ELAVL4: variants seen among roughly 807,000 people sequenced by gnomAD.
The protein encoded by ELAVL4 is ELAV like RNA binding protein 4, also known as ELAV-like protein 4.
A neutral mutation model predicts 35.6 loss-of-function variants in ELAVL4; 1 was observed. The ratio of observed to expected loss-of-function variants is 0.03; its 90% CI spans 0.01 to 0.13. ELAVL4 has a LOEUF of 0.13. Among genes scored for constraint, ELAVL4 ranks in the 10% least tolerant of loss-of-function variants. The pLI is 1.00. For synonymous variants in ELAVL4, 156 were observed against 171.0 expected, an observed-to-expected ratio of 0.91 and a Z score of 0.69; for missense variants, 267 against 464.9, an observed-to-expected ratio of 0.57 and a Z score of 3.91.
chr1:50,132,778 T>C (rs963315859), intron 1 of ELAVL4, among the ~76,000 whole-genome samples: 4 of 152,204 alleles, frequency 2.6e-5, no homozygotes, highest in East Asian at 1.9e-4. Flanking sequence ...ACATTTTCTT[T>C]CTTTTTTAAA....
intron 2 of ELAVL4, among the ~76,000 whole-genome samples, chr1:50,176,813 A>C (rs1362845212): frequency 6.6e-6 from 1 of 152,234 alleles, no homozygotes; most frequent in Non-Finnish European, 1.5e-5. Flanking sequence ...ACACTTGTGT[A>C]TCTCTTGTGT....
At chr1:50,087,440 A>C (rs1482150167) in intron 1 of ELAVL4, among the ~76,000 whole-genome samples, 1 of 152,176 alleles carries the variant, frequency 6.6e-6, no homozygotes, top group Non-Finnish European at 1.5e-5. Context: ...ACAACAGACT[A>C]TGTCTTCTAG....
intron 1 of ELAVL4, among the ~76,000 whole-genome samples, chr1:50,068,404 C>A (rs1348050258): frequency 2.0e-5 from 3 of 152,110 alleles, no homozygotes; most frequent in Non-Finnish European, 4.4e-5. Flanking sequence ...GAAGACAGGA[C>A]CAAGCTGGGA....
At chr1:50,133,604 AAAG>A (rs1671280470) in intron 1 of ELAVL4, among the ~76,000 whole-genome samples, 8 of 94,092 alleles carry the variant, frequency 8.5e-5, no homozygotes, top group Admixed American at 2.5e-4. Flanking sequence ...GAAAGAAAAG[AAAG>A]AAAGAAAGAA....
upstream of ELAVL4, chr1:50,106,073 CT>C (rs1215958124): frequency 2.4e-6 from 1 of 409,296 alleles, no homozygotes; most frequent in Non-Finnish European, 4.3e-6. Flanking sequence ...ACAATTCACG[CT>C]TCCATTTCTG....
chr1:50,161,377 C>T (rs1053705528), intron 2 of ELAVL4, among the ~76,000 whole-genome samples: 6 of 152,116 alleles, frequency 3.9e-5, no homozygotes. Context: ...GCCCCAGGGT[C>T]ATCAGTCTGA....
In ELAVL4 at chr1:50,203,042, C is replaced by T. The variant is rs1463268718; in HGVS notation, c.*1864C>T. 6.6e-6 allele frequency: 1 copy of T among 151,900 alleles called. No individual in the cohort carries two copies. The highest frequency in any genetic ancestry group is 1.5e-5 in the Non-Finnish European group (1 of 67,902). 9.4% of individuals were successfully genotyped at this position (151,900 alleles called of 1,614,324 possible). A position where few individuals can be genotyped will look rare whatever the true frequency, so the allele number is the denominator to read the frequency against. On this transcript the variant is annotated 3_prime_UTR_variant, in exon 7 of 7. Transcript: ENST00000371824. The stretch of plus-strand genomic sequence containing the variant: ...TTATATATTTAAAACGAAAACAAAA[C>T]AAAAAAATACAAGGGTTCATGCTCT...
intron 3 of ELAVL4, among the ~76,000 whole-genome samples, chr1:50,185,705 G>C (rs1260115235): frequency 6.6e-6 from 1 of 152,188 alleles, no homozygotes; most frequent in Non-Finnish European, 1.5e-5. Flanking sequence ...TATCCCTAAA[G>C]TGAACATTAC....
At position 50,203,513 on chromosome 1, in the gene ELAVL4, T is replaced by C. The variant is rs896760335; in HGVS notation, c.*2335T>C. ...AGTTTGCTGGCAAAGTTTTGATGCATTTGCTAAGCATTAGTGGGAAAGGCA... is the reference window on the plus strand; with the variant it reads ...AGTTTGCTGGCAAAGTTTTGATGCACTTGCTAAGCATTAGTGGGAAAGGCA... On this transcript the variant is annotated 3_prime_UTR_variant, in exon 7 of 7. Transcript: ENST00000371824. 6.6e-6 allele frequency: 1 copy of C among 152,058 alleles called. No individual in the cohort carries two copies. The allele number at this position is 152,058 out of a possible 1,614,324, so 9.4% of individuals were successfully genotyped here.
chr1:50,125,821 A>AGTGT (rs1035902851), intron 1 of ELAVL4, among the ~76,000 whole-genome samples: 11 of 152,038 alleles, frequency 7.2e-5, no homozygotes, highest in African/African-American at 2.7e-4. Context: ...CCTTTCCATG[A>AGTGT]GTGTTCTGCT....
Position 50,201,345 on chromosome 1 carries a change from T to C in ELAVL4, c.*167T>C, listed in dbSNP as rs975074281. On this transcript the variant is annotated 3_prime_UTR_variant, in exon 7 of 7. Coordinates refer to ENST00000371824, the MANE Select transcript of ELAVL4 (RefSeq NM_001144774.3). This position sits in a 1 kb window ranked among gnomAD's most constrained non-coding sequence, Gnocchi z 4.3. ...GCCTAAGTATTAAAACATTGGATTA[T>C]CCTGAGGTGTACCAGGAAAGGATTT... The C allele has an allele frequency of 7.1e-6, 5 of 700,860 alleles. No individual in the cohort carries two copies. In the African/African-American group the frequency reaches 9.3e-5, roughly 13 times the overall value. 43.4% of individuals were successfully genotyped at this position (700,860 alleles called of 1,614,324 possible).
intron 2 of ELAVL4, among the ~76,000 whole-genome samples, chr1:50,162,221 A>G (rs1676923578): frequency 1.3e-5 from 2 of 152,216 alleles, no homozygotes; most frequent in Admixed American, 6.5e-5. Context: ...ACAAAATGAT[A>G]ACTGTTTTTG....
At chr1:50,151,287 C>T (rs1179442569) in intron 2 of ELAVL4, among the ~76,000 whole-genome samples, 1 of 152,068 alleles carries the variant, frequency 6.6e-6, no homozygotes, top group East Asian at 1.9e-4. Context: ...TTTTGAATAC[C>T]GGGAAAACAT....
At chr1:50,180,807 G>A (rs1363157032) in intron 3 of ELAVL4, 2 of 152,200 alleles carry the variant, frequency 1.3e-5, no homozygotes, top group Non-Finnish European at 2.9e-5. Flanking sequence ...GCCTCTGAAG[G>A]ATTCTGCCAG....
intron 2 of ELAVL4, among the ~76,000 whole-genome samples, chr1:50,161,161 C>A (rs1002111707): frequency 1.6e-4 from 25 of 152,232 alleles, no homozygotes; most frequent in Admixed American, 6.5e-4. Flanking sequence ...GACACCCAGA[C>A]CTTTGTTTCA....
intron 3 of ELAVL4, 37 bp downstream of exon 3, chr1:50,177,229 T>G (rs373360050): frequency 6.7e-6 from 10 of 1,488,834 alleles, no homozygotes; most frequent in Non-Finnish European, 9.4e-6. Flanking sequence ...TTCAGGAGGC[T>G]CTGGTTAAAT....
intron 1 of ELAVL4, among the ~76,000 whole-genome samples, chr1:50,063,343 TC>T (rs1053375272): frequency 1.3e-5 from 2 of 152,228 alleles, no homozygotes; most frequent in African/African-American, 4.8e-5. Context: ...TTTCTTTTCT[TC>T]CGATGACTCT....
intron 6 of ELAVL4, among the ~76,000 whole-genome samples, chr1:50,200,557 T>A (rs1030411067): frequency 6.6e-6 from 1 of 152,148 alleles, no homozygotes; most frequent in Admixed American, 6.5e-5. Flanking sequence ...TATGAGCATA[T>A]ACTGTGATAG....
intron 1 of ELAVL4, among the ~76,000 whole-genome samples, chr1:50,113,349 T>C (rs1667401844): frequency 6.6e-6 from 1 of 152,086 alleles, no homozygotes; most frequent in African/African-American, 2.4e-5. Flanking sequence ...GCCCTGAGCA[T>C]CTTAACACCT....
Sources: allele counts gnomAD v4.1 joint callset (sites outside exome capture counted in the v4.1 genomes callset), GRCh38; gene constraint gnomAD v4.1.1; non-coding constraint Gnocchi (gnomAD v3.1); transcripts MANE v1.5; gene names NCBI Gene and HGNC (gene_info 2026-07-23, HGNC 2026-07-21).